The following FOCAD variants were observed in gnomAD, a reference collection of about 807,000 sequenced individuals.
FOCAD encodes focadhesin.
FOCAD carries 198 observed loss-of-function variants against 225.6 expected under a neutral mutation model. That is an observed-to-expected ratio of 0.88 (90% CI 0.78 to 0.99). FOCAD has a LOEUF of 0.99. FOCAD is among the 50% of genes least tolerant of loss of function. FOCAD has a pLI of 0.00. For synonymous variants in FOCAD, 897 were observed against 755.0 expected (o/e 1.19, Z -3.08); for missense variants, 2,713 against 2,123.6 (o/e 1.28, Z -5.46).
In FOCAD at chr9:20,763,845, G is replaced by C. The variant is rs903953054; in HGVS notation, c.495-1024G>C. Among the ~76,000 whole-genome samples, 3 of 152,140 alleles carry C rather than the reference G, an allele frequency of 2.0e-5. No homozygotes were observed. In the East Asian group the frequency reaches 5.8e-4, roughly 29 times the overall value. On this transcript the variant is annotated intron_variant, in intron 6 of 43. Coordinates refer to ENST00000338382, the MANE Select transcript of FOCAD (RefSeq NM_001375567.1). ...ACATGACCATATTTTTATTTTTGAT[G>C]ATCATTCCGGTGTTTTAGTGAATTT...
intron 5 of FOCAD, among the ~76,000 whole-genome samples, chr9:20,750,598 G>A (rs1828455435): frequency 6.6e-6 from 1 of 152,148 alleles, no homozygotes; most frequent in African/African-American, 2.4e-5. Flanking sequence ...TGCCTGGTTT[G>A]TATTGATCTT....
At chr9:20,862,779 T>C in intron 16 of FOCAD, 67 bp downstream of exon 16, 2 of 1,521,432 alleles carry the variant, frequency 1.3e-6, no homozygotes, top group African/African-American at 1.4e-5. Context: ...TAATAACTTT[T>C]GGAATAAATA....
At chr9:20,823,569 G>C (rs10121887) in intron 15 of FOCAD, among the ~76,000 whole-genome samples, 2 of 152,034 alleles carry the variant, frequency 1.3e-5, no homozygotes, top group Non-Finnish European at 2.9e-5. Context: ...GTAAATGTTA[G>C]AACTAAACTT....
At chr9:20,716,498 G>A (rs1416766650) in intron 2 of FOCAD, among the ~76,000 whole-genome samples, 1 of 152,124 alleles carries the variant, frequency 6.6e-6, no homozygotes, top group African/African-American at 2.4e-5. Context: ...GAAGTGAAAA[G>A]TATATTAGAT....
At chr9:20,692,248 A>T (rs1823021311) in intron 1 of FOCAD, among the ~76,000 whole-genome samples, 1 of 151,310 alleles carries the variant, frequency 6.6e-6, no homozygotes. Context: ...GTTAACAGAA[A>T]CTCCATCCTT....
intron 11 of FOCAD, among the ~76,000 whole-genome samples, chr9:20,804,388 G>T (rs1235836223): frequency 6.6e-6 from 1 of 152,046 alleles, no homozygotes; most frequent in Non-Finnish European, 1.5e-5. Context: ...CATTTGATGA[G>T]TTCCTAGTTA....
intron 15 of FOCAD, among the ~76,000 whole-genome samples, chr9:20,826,677 G>A (rs906874517): frequency 6.6e-6 from 1 of 152,014 alleles, no homozygotes; most frequent in Non-Finnish European, 1.5e-5. Flanking sequence ...TGATATAGGG[G>A]TTGTAGGACT....
At chr9:20,797,213 A>G (rs1821216745) in intron 11 of FOCAD, among the ~76,000 whole-genome samples, 1 of 152,090 alleles carries the variant, frequency 6.6e-6, no homozygotes. Flanking sequence ...TGTTTGGGTG[A>G]CTGTAGCCTT....
At chr9:20,669,689 C>T (rs1235175858) in intron 2 of FOCAD, among the ~76,000 whole-genome samples, 1 of 152,082 alleles carries the variant, frequency 6.6e-6, no homozygotes, top group Non-Finnish European at 1.5e-5. Context: ...GCATGAGAAT[C>T]GCTTGAACCC....
chr9:20,732,569 C>T (rs1826802504), intron 4 of FOCAD, among the ~76,000 whole-genome samples: 1 of 152,026 alleles, frequency 6.6e-6, no homozygotes, highest in Non-Finnish European at 1.5e-5. Context: ...GGTCTTTATC[C>T]TGGGTGGAGA....
chr9:20,664,538 T>C (rs1395741922), intron 2 of FOCAD, among the ~76,000 whole-genome samples: 1 of 151,700 alleles, frequency 6.6e-6, no homozygotes, highest in Non-Finnish European at 1.5e-5. Flanking sequence ...ATAAGGCAAA[T>C]AAGCAGGAAG....
chr9:20,740,190 A>G (rs1563931634), intron 4 of FOCAD, 46 bp from the exon 5 acceptor site: 1 of 1,214,956 alleles, frequency 8.2e-7, no homozygotes, highest in Non-Finnish European at 1.2e-6. Context: ...TGATTAGAAT[A>G]TTCACTTTTT....
chr9:20,669,809 G>A (rs1015463143), intron 2 of FOCAD, among the ~76,000 whole-genome samples: 3 of 151,882 alleles, frequency 2.0e-5, no homozygotes, highest in African/African-American at 4.8e-5. Flanking sequence ...AATACAGGGC[G>A]CCCATGTAAG....
chr9:20,819,240 GT>G (rs937525459), intron 11 of FOCAD, among the ~76,000 whole-genome samples: 1 of 151,990 alleles, frequency 6.6e-6, no homozygotes, highest in Non-Finnish European at 1.5e-5. Flanking sequence ...TTGAGACAGG[GT>G]CTTGCTCTGT....
At chr9:20,767,351 A>G (rs78007514) in intron 7 of FOCAD, among the ~76,000 whole-genome samples, 18,398 of 104,558 alleles carry the variant, frequency 0.18, 1,996 homozygotes, top group Middle Eastern at 0.2. Context: ...GTAATGGGAT[A>G]GCTGGGTCAA....
At position 20,944,711 on chromosome 9, in the gene FOCAD, A is replaced by G; in HGVS notation, c.3492A>G (p.Ala1164=). The G allele has an allele frequency of 1.2e-6, 2 of 1,614,092 alleles. No individual in the cohort carries two copies. Among genetic ancestry groups the G allele is most frequent in the African/African-American group, 1.3e-5 (1 of 75,052 alleles). ...SQMQSRVHVA[A]LLRKLSAHVD... is the part of the protein sequence containing the mutation. Reference sequence around the variant, plus strand: ...TGCAGTCCCGCGTTCACGTAGCAGCATTGCTCCGGAAGCTGTCTGCGCACG... The same window carrying G: ...TGCAGTCCCGCGTTCACGTAGCAGCGTTGCTCCGGAAGCTGTCTGCGCACG... The change falls in exon 29 of 44, where the codon GCA becomes GCG. Residue 1164 remains alanine (A), a synonymous_variant. Transcript: ENST00000338382.
At position 20,986,447 on chromosome 9, in the gene FOCAD, G is replaced by A. The variant is rs773730668; in HGVS notation, c.4888G>A (p.Val1630Met). The change falls in exon 40 of 44, where the codon GTG (valine) becomes ATG (methionine). Residue 1630 changes from valine to methionine, a missense_variant. Physicochemically the swap from Val to Met is conservative, Grantham distance 21 (BLOSUM62 1). Coordinates refer to ENST00000338382, the MANE Select transcript of FOCAD (RefSeq NM_001375567.1). Reference sequence around the variant, plus strand: ...GCACAGCTTATACCAGGCACGGATTGTGAGCCATGCCAATACGGGTGAGGA... The same window carrying A: ...GCACAGCTTATACCAGGCACGGATTATGAGCCATGCCAATACGGGTGAGGA... ...ILHSLYQARI[V>M]SHANTGVLKR... is the part of the protein sequence containing the mutation. The A allele has an allele frequency of 1.9e-6, 3 of 1,611,168 alleles. No individual in the cohort carries two copies. In the South Asian group the frequency reaches 3.3e-5, roughly 18 times the overall value.
chr9:20,728,529 A>T (rs1226218970), intron 4 of FOCAD, among the ~76,000 whole-genome samples: 2 of 152,102 alleles, frequency 1.3e-5, no homozygotes, highest in African/African-American at 2.4e-5. Context: ...AGGATTTTGG[A>T]TTTGTTGATT....
intron 19 of FOCAD, among the ~76,000 whole-genome samples, chr9:20,877,125 T>C (rs1830290140): frequency 7.9e-6 from 1 of 126,766 alleles, no homozygotes; most frequent in Non-Finnish European, 1.7e-5. Context: ...TATTACTAAC[T>C]TAAACTATAG....
Sources: allele counts gnomAD v4.1 joint callset (sites outside exome capture counted in the v4.1 genomes callset), GRCh38; gene constraint gnomAD v4.1.1; transcripts MANE v1.5; gene names NCBI Gene and HGNC (gene_info 2026-07-23, HGNC 2026-07-21).